MYO6: variants seen among roughly 807,000 people sequenced by gnomAD.
MYO6 encodes unconventional myosin-VI.
In MYO6, 74 loss-of-function variants were observed where a neutral mutation model predicts 178.7. The ratio of observed to expected loss-of-function variants is 0.41; its 90% CI spans 0.34 to 0.50. The LOEUF (loss-of-function observed/expected upper bound fraction) is 0.50. Among genes scored for constraint, MYO6 ranks in the 20% least tolerant of loss-of-function variants. MYO6 has a pLI of 0.09. For missense variants in MYO6, 1,330 were observed against 1,547.4 expected, an observed-to-expected ratio of 0.86 and a Z score of 2.36; for synonymous variants, 477 against 504.6, an observed-to-expected ratio of 0.95 and a Z score of 0.73.
chr6:75,798,944 A>G (rs960862510), intron 1 of MYO6, among the ~76,000 whole-genome samples: 2 of 152,228 alleles, frequency 1.3e-5, no homozygotes, highest in Admixed American at 1.3e-4. Context: ...AATAAGTAGT[A>G]TTTCTAAACA....
In MYO6 at chr6:75,844,329, C is replaced by T. The variant is rs528167590; in HGVS notation, c.817-568C>T. On this transcript the variant is annotated intron_variant, in intron 9 of 34. Transcript: ENST00000369977. ...GAAGTAAATCACTGAAATAAGAAAA[C>T]TTTAAATTATTTGATCCATAAAGCA... 3.3e-5 allele frequency among the ~76,000 whole-genome samples: 5 copies of T among 152,086 alleles called. No homozygotes were observed. The South Asian group carries it at 1.0e-3, about 32-fold the overall frequency.
At chr6:75,867,141 TA>T (rs1425332224) in intron 18 of MYO6, 36 bp downstream of exon 18, 1 of 1,458,464 alleles carries the variant, frequency 6.9e-7, no homozygotes, top group African/African-American at 1.4e-5. Context: ...TTACTATATT[TA>T]AAATGAAATT....
Position 75,878,919 on chromosome 6 carries a change from A to G in MYO6, c.2078-901A>G, listed in dbSNP as rs1204116932. Among the ~76,000 whole-genome samples, 3 of 152,212 alleles carry G rather than the reference A, an allele frequency of 2.0e-5. No individual in the cohort carries two copies. In the East Asian group the frequency reaches 5.8e-4, roughly 29 times the overall value. On this transcript the variant is annotated intron_variant, in intron 20 of 34. Coordinates refer to ENST00000369977, the MANE Select transcript of MYO6 (RefSeq NM_004999.4). ...AAGCTCACATTGACTCAAGACTCAG[A>G]TTAACCACTTACTAGAGTTATACTG...
At chr6:75,756,089 TGA>T (rs1337264806) in intron 1 of MYO6, among the ~76,000 whole-genome samples, 2 of 152,064 alleles carry the variant, frequency 1.3e-5, no homozygotes, top group African/African-American at 4.8e-5. Context: ...CAAAGAAAAC[TGA>T]GAGAAAATAA....
At chr6:75,839,964 A>G (rs949654521) in intron 7 of MYO6, among the ~76,000 whole-genome samples, 2 of 151,466 alleles carry the variant, frequency 1.3e-5, no homozygotes, top group African/African-American at 4.9e-5. Flanking sequence ...ATTTTTAGGG[A>G]AAAAATTTTA....
At chr6:75,900,844 T>A (rs1477830921) in intron 30 of MYO6, among the ~76,000 whole-genome samples, 1 of 151,154 alleles carries the variant, frequency 6.6e-6, no homozygotes, top group Non-Finnish European at 1.5e-5. Context: ...CTAGGTTTTC[T>A]TCTAGGGTTT....
chr6:75,825,962 T>C (rs1257427641), intron 3 of MYO6, among the ~76,000 whole-genome samples: 1 of 152,204 alleles, frequency 6.6e-6, no homozygotes, highest in Non-Finnish European at 1.5e-5. Flanking sequence ...AATATTCTTT[T>C]GGGTATAGTT....
chr6:75,818,718 AAAC>A (rs1163575329), intron 2 of MYO6, among the ~76,000 whole-genome samples: 1 of 152,204 alleles, frequency 6.6e-6, no homozygotes. Context: ...CTGTTACTGT[AAAC>A]AACCCAGGGA....
chr6:75,877,393 A>C (rs1777648204), intron 20 of MYO6, among the ~76,000 whole-genome samples: 1 of 151,404 alleles, frequency 6.6e-6, no homozygotes, highest in Admixed American at 6.6e-5. Flanking sequence ...CAGCCTCCCC[A>C]GTAGGTGGGA....
intron 26 of MYO6, 25 bp downstream of exon 26, chr6:75,890,290 T>G (rs1322192824): frequency 4.3e-6 from 7 of 1,612,928 alleles, no homozygotes; most frequent in Non-Finnish European, 5.9e-6. Context: ...TTATTTTGAA[T>G]AAGAGACTTA....
chr6:75,870,007 G>T (rs1392901545), intron 18 of MYO6, among the ~76,000 whole-genome samples: 1 of 151,822 alleles, frequency 6.6e-6, no homozygotes, highest in Non-Finnish European at 1.5e-5. Context: ...CCAGCTACTC[G>T]GGAGGCTGAG....
intron 16 of MYO6, among the ~76,000 whole-genome samples, chr6:75,863,423 C>T (rs1448610940): frequency 2.6e-5 from 4 of 151,780 alleles, no homozygotes; most frequent in Admixed American, 2.6e-4. Context: ...GAAAAGCAGA[C>T]AGACAGCAGT....
chr6:75,826,920 G>GA (rs980185367), intron 3 of MYO6, among the ~76,000 whole-genome samples: 22 of 146,540 alleles, frequency 1.5e-4, no homozygotes, highest in Admixed American at 6.1e-4. Context: ...CTCAAAAAAA[G>GA]AAAAAAAAAA....
At position 75,917,808 on chromosome 6, in the gene MYO6, G is replaced by A. The variant is rs772742671; in HGVS notation, c.*2796G>A. The A allele has an allele frequency of 6.6e-6, 1 of 152,456 alleles. No individual in the cohort carries two copies. Among genetic ancestry groups the A allele is most frequent in the Non-Finnish European group, 1.5e-5 (1 of 68,012 alleles). The allele number at this position is 152,456 out of a possible 1,614,324, so 9.4% of individuals were successfully genotyped here. A position where few individuals can be genotyped will look rare whatever the true frequency, so the allele number is the denominator to read the frequency against. On this transcript the variant is annotated 3_prime_UTR_variant, in exon 35 of 35. Transcript: ENST00000369977. ...TATTGTTTGTAGAGCTTTATTAATTGGATATTTTTTAAAAGACATTTTCAT... is the reference window on the plus strand; with the variant it reads ...TATTGTTTGTAGAGCTTTATTAATTAGATATTTTTTAAAAGACATTTTCAT...
intron 13 of MYO6, among the ~76,000 whole-genome samples, chr6:75,858,439 C>T (rs1562254627): frequency 6.6e-6 from 1 of 152,106 alleles, no homozygotes; most frequent in African/African-American, 2.4e-5. Context: ...AACCCTGTCT[C>T]TACTAAAAAT....
At position 75,918,685 on chromosome 6, in the gene MYO6, T is replaced by C. The variant is rs2149442160; in HGVS notation, c.*3673T>C. ...CTTCTCTGAGTACGCTTTAGTTCAATTCAAATCACTGTATTCTTTCCCCAT... is the reference window on the plus strand; with the variant it reads ...CTTCTCTGAGTACGCTTTAGTTCAACTCAAATCACTGTATTCTTTCCCCAT... On this transcript the variant is annotated 3_prime_UTR_variant, in exon 35 of 35. Transcript: ENST00000369977. The C allele has an allele frequency of 6.6e-6, 1 of 152,360 alleles. No homozygotes were observed. The allele number at this position is 152,360 out of a possible 1,614,324, so 9.4% of individuals were successfully genotyped here. A position where few individuals can be genotyped will look rare whatever the true frequency, so the allele number is the denominator to read the frequency against.
intron 1 of MYO6, among the ~76,000 whole-genome samples, chr6:75,775,205 CATTAAGTATAAT>C (rs1766261950): frequency 6.6e-6 from 1 of 152,150 alleles, no homozygotes; most frequent in Admixed American, 6.5e-5. Context: ...GAGTTCTCTC[CATTAAGTATAAT>C]CCTCCCGGGA....
intron 1 of MYO6, among the ~76,000 whole-genome samples, chr6:75,756,910 T>TATATATATAC (rs67653365): frequency 1.6e-5 from 2 of 123,902 alleles, no homozygotes; most frequent in African/African-American, 3.2e-5. Flanking sequence ...TATATATATA[T>TATATATATAC]ACACATATAT....
rs116151844 is a variant in MYO6 at position 75,887,078 on chromosome 6, G to A, written c.2658+84G>A. ...TTGGTATTGAAATTGTATAGAAAAC[G>A]TCCTTAGTTTTTCAAAATTACAAAA... On this transcript the variant is annotated intron_variant, in intron 25 of 34. Transcript: ENST00000369977. 1,835 of 1,366,804 alleles carry A rather than the reference G, an allele frequency of 1.3e-3. 16 individuals are homozygous for A. The African/African-American group carries it at 0.023, about 17-fold the overall frequency. 84.7% of individuals were successfully genotyped at this position (1,366,804 alleles called of 1,614,324 possible).
Sources: gnomAD v4.1 joint callset for allele counts (sites outside exome capture counted in the v4.1 genomes callset) on GRCh38, gnomAD v4.1.1 for gene constraint, MANE v1.5 for transcripts, NCBI Gene and HGNC (gene_info 2026-07-23, HGNC 2026-07-21) for gene names.